Variants in TEAD1 observed in about 807,000 individuals in gnomAD.
TEAD1 encodes the protein transcriptional enhancer factor TEF-1.
Under a neutral mutation model 54.9 loss-of-function variants are expected in TEAD1, and 9 were observed. The ratio of observed to expected loss-of-function variants is 0.16; its 90% CI spans 0.10 to 0.29. The LOEUF is 0.29. Ranked by LOEUF, TEAD1 falls within the 10% of genes least tolerant of loss-of-function variation. The pLI, the probability that TEAD1 is intolerant of heterozygous loss-of-function variation, is 1.00. For missense variants in TEAD1, 387 were observed against 535.9 expected (o/e 0.72, Z 2.74); for synonymous variants, 200 against 187.8 (o/e 1.07, Z -0.53).
At chr11:12,899,722 C>T (rs1352621758) in intron 9 of TEAD1, among the ~76,000 whole-genome samples, 2 of 152,210 alleles carry the variant, frequency 1.3e-5, no homozygotes, top group Non-Finnish European at 2.9e-5. Context: ...GTCCATGCAG[C>T]TGCATCCATG....
At chr11:12,871,083 G>A (rs1947736490) in intron 5 of TEAD1, among the ~76,000 whole-genome samples, 1 of 152,120 alleles carries the variant, frequency 6.6e-6, no homozygotes, top group South Asian at 2.1e-4. Flanking sequence ...CTGTAGCTGG[G>A]CCTGAGTCTA....
At chr11:12,694,616 T>C (rs1169028234) in intron 2 of TEAD1, among the ~76,000 whole-genome samples, 1 of 152,170 alleles carries the variant, frequency 6.6e-6, no homozygotes, top group African/African-American at 2.4e-5. Flanking sequence ...GTTGGGTTGG[T>C]GTTTCTGTGT....
intron 10 of TEAD1, among the ~76,000 whole-genome samples, chr11:12,924,267 T>C (rs1485604183): frequency 5.7e-5 from 8 of 140,430 alleles, no homozygotes; most frequent in African/African-American, 2.0e-4. Flanking sequence ...GCTGCAACTC[T>C]AAGTATCTCT....
intron 2 of TEAD1, among the ~76,000 whole-genome samples, chr11:12,719,583 G>C (rs1160270740): frequency 7.0e-6 from 1 of 142,278 alleles, no homozygotes; most frequent in Non-Finnish European, 1.5e-5. Context: ...TTGGGGGGAG[G>C]GGGGGCGGGG....
intron 3 of TEAD1, among the ~76,000 whole-genome samples, chr11:12,847,455 C>A (rs942703130): frequency 7.9e-6 from 1 of 126,170 alleles, no homozygotes; most frequent in East Asian, 2.5e-4. Context: ...AGAGGCCTGG[C>A]AGCTCAGGAA....
At chr11:12,905,873 C>T (rs1483622526) in intron 10 of TEAD1, among the ~76,000 whole-genome samples, 1 of 152,160 alleles carries the variant, frequency 6.6e-6, no homozygotes, top group Non-Finnish European at 1.5e-5. Flanking sequence ...TCAGGCTAGA[C>T]CACGTGAGGG....
rs181277550 is a variant in TEAD1 at position 12,819,484 on chromosome 11, C to T, written c.203-42766C>T. Among the ~76,000 whole-genome samples, 340 of 152,234 alleles carry T rather than the reference C, an allele frequency of 2.2e-3. 2 individuals carry two copies. Among genetic ancestry groups the T allele is most frequent in the South Asian group, 4.8e-3 (23 of 4,818 alleles). On this transcript the variant is annotated intron_variant, in intron 3 of 12. Transcript: ENST00000527636. ...TTTTGTTTTGAGATGGAGTCTCGCT[C>T]TGTCACCCAGGCTGGAGTGTAGTGG...
At chr11:12,927,831 A>G (rs1181123191) in intron 11 of TEAD1, among the ~76,000 whole-genome samples, 1 of 152,096 alleles carries the variant, frequency 6.6e-6, no homozygotes, top group Admixed American at 6.5e-5. Context: ...TTGATTTTGC[A>G]TATCTGTCTT....
At chr11:12,774,949 ATC>A (rs750002962) in intron 3 of TEAD1, among the ~76,000 whole-genome samples, 28 of 152,060 alleles carry the variant, frequency 1.8e-4, no homozygotes, top group Non-Finnish European at 3.1e-4. Context: ...CAACAAAATA[ATC>A]TGTACAACAA....
At chr11:12,697,155 C>A (rs1334760936) in intron 2 of TEAD1, among the ~76,000 whole-genome samples, 1 of 152,066 alleles carries the variant, frequency 6.6e-6, no homozygotes, top group Non-Finnish European at 1.5e-5. Flanking sequence ...CCTGGTGGTA[C>A]CACCCCTCCC....
chr11:12,713,812 C>A (rs1210075752), intron 2 of TEAD1, among the ~76,000 whole-genome samples: 1 of 152,182 alleles, frequency 6.6e-6, no homozygotes, highest in African/African-American at 2.4e-5. Flanking sequence ...TCAGCTCTCT[C>A]CTCTCATGTT....
At chr11:12,913,247 C>T (rs1948649759) in intron 10 of TEAD1, among the ~76,000 whole-genome samples, 1 of 152,004 alleles carries the variant, frequency 6.6e-6, no homozygotes, top group Non-Finnish European at 1.5e-5. Flanking sequence ...GTACCTCCTA[C>T]CCCCCAGTCC....
At chr11:12,762,114 A>G (rs538017131) in intron 2 of TEAD1, among the ~76,000 whole-genome samples, 168 of 152,242 alleles carry the variant, frequency 1.1e-3, no homozygotes, top group Admixed American at 4.1e-3. Context: ...TATTTATCTT[A>G]AAGTGTGGCT....
intron 2 of TEAD1, among the ~76,000 whole-genome samples, chr11:12,704,601 C>T (rs1016517346): frequency 6.6e-6 from 1 of 152,238 alleles, no homozygotes; most frequent in Admixed American, 6.5e-5. Context: ...TTCCCTTAGT[C>T]CTCCATACTG....
At chr11:12,829,866 T>G (rs2134015704) in intron 3 of TEAD1, among the ~76,000 whole-genome samples, 1 of 152,346 alleles carries the variant, frequency 6.6e-6, no homozygotes, top group Admixed American at 6.5e-5. Flanking sequence ...GAGGCCATCT[T>G]TATTTCTCCA....
intron 2 of TEAD1, among the ~76,000 whole-genome samples, chr11:12,686,329 C>T (rs7114698): frequency 0.42 from 64,062 of 151,936 alleles, 13,742 homozygotes; most frequent in South Asian, 0.56. Flanking sequence ...AGGATTGTCC[C>T]AGGCCATTTC....
chr11:12,895,477 T>G (rs1948295465), intron 9 of TEAD1, among the ~76,000 whole-genome samples: 1 of 152,190 alleles, frequency 6.6e-6, no homozygotes. Flanking sequence ...CCTGTCCAGC[T>G]GTCCTGAGCG....
chr11:12,818,084 C>G (rs561123773), intron 3 of TEAD1, among the ~76,000 whole-genome samples: 2 of 152,350 alleles, frequency 1.3e-5, no homozygotes, highest in African/African-American at 2.4e-5. Flanking sequence ...GACATGCTGT[C>G]ATTACTTTTC....
In TEAD1 at chr11:12,834,648, G is replaced by A. The variant is rs189858566; in HGVS notation, c.203-27602G>A. On this transcript the variant is annotated intron_variant, in intron 3 of 12. Coordinates refer to ENST00000527636, the MANE Select transcript of TEAD1 (RefSeq NM_021961.6). ...TGTTTGTGTGTTGTTTTCTTGTAGG[G>A]ATGGGGTCTCACAGTGTTGCCCAGG... Among the ~76,000 whole-genome samples, 48 of 152,292 alleles carry A rather than the reference G, an allele frequency of 3.2e-4. No individual in the cohort carries two copies. In the East Asian group the frequency reaches 7.7e-3, roughly 25 times the overall value.
Sources: allele counts gnomAD v4.1 joint callset (sites outside exome capture counted in the v4.1 genomes callset), GRCh38; gene constraint gnomAD v4.1.1; transcripts MANE v1.5; gene names NCBI Gene and HGNC (gene_info 2026-07-23, HGNC 2026-07-21).